Variants in DCC observed in about 807,000 individuals in gnomAD.
DCC encodes the protein netrin receptor DCC.
DCC carries 58 observed loss-of-function variants against 172.5 expected under a neutral mutation model. That is an observed-to-expected ratio of 0.34 (90% CI 0.27 to 0.42). The LOEUF (loss-of-function observed/expected upper bound fraction) is 0.42, where lower values mean the gene tolerates loss of function less well. DCC is among the 10% of genes least tolerant of loss of function. The pLI is 1.00. For synonymous variants in DCC, 709 were observed against 644.5 expected, an observed-to-expected ratio of 1.10 and a Z score of -1.52; for missense variants, 1,740 against 1,791.0, an observed-to-expected ratio of 0.97 and a Z score of 0.51.
At chr18:52,778,986 G>C (rs573683478) in intron 2 of DCC, among the ~76,000 whole-genome samples, 7 of 152,276 alleles carry the variant, frequency 4.6e-5, no homozygotes, top group African/African-American at 1.7e-4. Context: ...GTCCATTAAT[G>C]TATGATGTGT....
chr18:53,351,290 A>AGT (rs1267574255), intron 15 of DCC, among the ~76,000 whole-genome samples: 1 of 18,322 alleles, frequency 5.5e-5, no homozygotes, highest in Admixed American at 1.0e-3. Context: ...CATTGAGTAC[A>AGT]GTATATATAT....
At chr18:53,075,457 A>G (rs1360991328) in intron 7 of DCC, among the ~76,000 whole-genome samples, 1 of 152,178 alleles carries the variant, frequency 6.6e-6, no homozygotes, top group Non-Finnish European at 1.5e-5. Flanking sequence ...TGATAATAAT[A>G]AATCCATACA....
At chr18:53,222,350 T>C (rs553201894) in intron 12 of DCC, among the ~76,000 whole-genome samples, 1 of 151,658 alleles carries the variant, frequency 6.6e-6, no homozygotes, top group East Asian at 1.9e-4. Flanking sequence ...TTTGAGAGAA[T>C]ACTTACCTTT....
chr18:52,974,220 A>G (rs746455831), intron 5 of DCC, among the ~76,000 whole-genome samples: 1 of 152,178 alleles, frequency 6.6e-6, no homozygotes, highest in African/African-American at 2.4e-5. Flanking sequence ...TCTTGTCTAC[A>G]TATCCTAAGA....
intron 19 of DCC, among the ~76,000 whole-genome samples, chr18:53,405,115 C>G (rs1282334630): frequency 6.6e-6 from 1 of 150,738 alleles, no homozygotes; most frequent in Non-Finnish European, 1.5e-5. Context: ...ATTCAAAATA[C>G]TACACCACTA....
chr18:53,491,969 A>T (rs144976369), intron 26 of DCC, among the ~76,000 whole-genome samples: 3,295 of 152,274 alleles, frequency 0.022, 57 homozygotes, highest in Admixed American at 0.054. Flanking sequence ...CCTCTCCAGC[A>T]TCTGTTGTTT....
intron 10 of DCC, among the ~76,000 whole-genome samples, chr18:53,205,588 T>C (rs1275772799): frequency 6.6e-6 from 1 of 152,160 alleles, no homozygotes; most frequent in East Asian, 1.9e-4. Context: ...TAAAGTGAAG[T>C]CAATAGAAAG....
At chr18:53,125,386 T>G (rs576404753) in intron 7 of DCC, among the ~76,000 whole-genome samples, 3 of 152,244 alleles carry the variant, frequency 2.0e-5, no homozygotes, top group African/African-American at 7.2e-5. Flanking sequence ...AAGCGTCATC[T>G]TGGCTCTGAC....
At chr18:53,038,252 TCTGA>T (rs1287559096) in intron 5 of DCC, among the ~76,000 whole-genome samples, 1 of 151,980 alleles carries the variant, frequency 6.6e-6, no homozygotes, top group Non-Finnish European at 1.5e-5. Context: ...ACCTTAGAAT[TCTGA>T]CTATTACTGG....
intron 5 of DCC, among the ~76,000 whole-genome samples, chr18:52,939,727 C>T (rs2040432237): frequency 6.6e-6 from 1 of 152,104 alleles, no homozygotes; most frequent in Non-Finnish European, 1.5e-5. Context: ...TCATTATCAT[C>T]ATTTTCATCA....
At chr18:53,434,675 G>GA (rs1299575904) in intron 21 of DCC, among the ~76,000 whole-genome samples, 1 of 152,138 alleles carries the variant, frequency 6.6e-6, no homozygotes, top group African/African-American at 2.4e-5. Context: ...CTAACAAAGA[G>GA]AATACCCAAA....
At chr18:53,232,026 G>T (rs2056129222) in intron 12 of DCC, among the ~76,000 whole-genome samples, 1 of 151,984 alleles carries the variant, frequency 6.6e-6, no homozygotes. Flanking sequence ...TCATATGTAG[G>T]TCTAACTTTC....
intron 26 of DCC, among the ~76,000 whole-genome samples, chr18:53,492,228 T>C (rs1158575357): frequency 2.6e-5 from 4 of 152,218 alleles, no homozygotes; most frequent in African/African-American, 7.2e-5. Flanking sequence ...GTCAGATGGA[T>C]AGATTGCAAA....
At chr18:53,290,110 A>C (rs2056983963) in intron 12 of DCC, among the ~76,000 whole-genome samples, 1 of 152,176 alleles carries the variant, frequency 6.6e-6, no homozygotes, top group Non-Finnish European at 1.5e-5. Flanking sequence ...TTGTCACCTG[A>C]ACATTTATGG....
chr18:52,920,253 T>C (rs1227322937), intron 3 of DCC, among the ~76,000 whole-genome samples: 2 of 151,932 alleles, frequency 1.3e-5, no homozygotes, highest in African/African-American at 4.8e-5. Flanking sequence ...CTACAAAAGA[T>C]ACTTTTAAAA....
At chr18:53,267,245 G>A (rs901177908) in intron 12 of DCC, among the ~76,000 whole-genome samples, 3 of 152,058 alleles carry the variant, frequency 2.0e-5, no homozygotes, top group Non-Finnish European at 4.4e-5. Flanking sequence ...GGAGTGCAGT[G>A]GTACAATCTC....
intron 2 of DCC, among the ~76,000 whole-genome samples, chr18:52,861,251 G>A (rs150059778): frequency 8.5e-5 from 13 of 152,220 alleles, no homozygotes; most frequent in African/African-American, 2.6e-4. Flanking sequence ...AACCTTGTAC[G>A]GAAACAATGT....
At position 53,039,239 on chromosome 18, in the gene DCC, A is replaced by G. The variant is rs536027763; in HGVS notation, c.986-24066A>G. 8.5e-4 allele frequency among the ~76,000 whole-genome samples: 130 copies of G among 152,152 alleles called. 1 individual carries two copies. The highest frequency in any genetic ancestry group is 2.6e-3 in the Admixed American group (39 of 15,242). ...TATTTTAACATCCAGGTCTCTGCAC[A>G]ATGCCAAGATTATGCAGTTCTATGG... On this transcript the variant is annotated intron_variant, in intron 5 of 28. Transcript: ENST00000442544.
intron 27 of DCC, among the ~76,000 whole-genome samples, chr18:53,500,266 C>A (rs1951482417): frequency 6.6e-6 from 1 of 151,762 alleles, no homozygotes; most frequent in South Asian, 2.1e-4. Flanking sequence ...AAAGAAGAAA[C>A]AGGTAGAATG....
Sources: allele counts gnomAD v4.1 joint callset (sites outside exome capture counted in the v4.1 genomes callset), GRCh38; gene constraint gnomAD v4.1.1; transcripts MANE v1.5; gene names NCBI Gene and HGNC (gene_info 2026-07-23, HGNC 2026-07-21).